The following BANK1 variants were observed in gnomAD, a reference collection of about 807,000 sequenced individuals.
The protein encoded by BANK1 is B cell scaffold protein with ankyrin repeats 1.
BANK1 carries 95 observed loss-of-function variants against 94.5 expected under a neutral mutation model. That is an observed-to-expected ratio of 1.00 (90% CI 0.85 to 1.19). BANK1 has a LOEUF of 1.19. Among genes scored for constraint, BANK1 ranks in the 50% most tolerant of loss-of-function variants. The probability of loss-of-function intolerance (pLI) is 0.00; values close to 1 mark genes in which losing one functional copy is unlikely to be tolerated. For synonymous variants in BANK1, 334 were observed against 308.4 expected, an observed-to-expected ratio of 1.08 and a Z score of -0.87; for missense variants, 987 against 932.2, an observed-to-expected ratio of 1.06 and a Z score of -0.77.
At chr4:101,936,801 G>C (rs1442620236) in intron 7 of BANK1, among the ~76,000 whole-genome samples, 1 of 151,414 alleles carries the variant, frequency 6.6e-6, no homozygotes, top group Non-Finnish European at 1.5e-5. Flanking sequence ...CAAAAGACAG[G>C]CAATAACAAA....
chr4:101,792,215 A>C (rs960985414), intron 1 of BANK1, among the ~76,000 whole-genome samples: 1 of 151,920 alleles, frequency 6.6e-6, no homozygotes, highest in Admixed American at 6.6e-5. Flanking sequence ...ATCAATATTT[A>C]TAGCATTCCA....
At chr4:101,895,512 T>G in intron 6 of BANK1, 102 bp downstream of exon 6, 1 of 658,906 alleles carries the variant, frequency 1.5e-6, no homozygotes. Flanking sequence ...GCTGCACTGC[T>G]GATGAGATGA....
rs900725732 is a variant in BANK1 at position 102,071,165 on chromosome 4, A to C, written c.2213-110A>C. Reference sequence around the variant, plus strand: ...TTTTTAGATCAGAATGTGAGATTTCATAGCAACCTCAAAGACAAGAAGTAG... The same window carrying C: ...TTTTTAGATCAGAATGTGAGATTTCCTAGCAACCTCAAAGACAAGAAGTAG... On this transcript the variant is annotated intron_variant, in intron 13 of 16. Coordinates refer to ENST00000322953, the MANE Select transcript of BANK1 (RefSeq NM_017935.5). 7.2e-6 allele frequency: 9 copies of C among 1,245,328 alleles called. No individual in the cohort carries two copies. In the African/African-American group the frequency reaches 1.3e-4, roughly 19 times the overall value. The allele number at this position is 1,245,328 out of a possible 1,614,324, so 77.1% of individuals were successfully genotyped here.
chr4:101,920,297 C>A (rs1722961170), intron 7 of BANK1, among the ~76,000 whole-genome samples: 1 of 151,868 alleles, frequency 6.6e-6, no homozygotes, highest in South Asian at 2.1e-4. Context: ...GTGCAGCACA[C>A]CAACATGGCA....
At position 102,059,456 on chromosome 4, in the gene BANK1, C is replaced by T. The variant is rs150285097; in HGVS notation, c.1970-755C>T. 1.1e-3 allele frequency among the ~76,000 whole-genome samples: 163 copies of T among 152,278 alleles called. 4 individuals are homozygous for T. In the East Asian group the frequency reaches 0.027, roughly 25 times the overall value. On this transcript the variant is annotated intron_variant, in intron 11 of 16. Coordinates refer to ENST00000322953, the MANE Select transcript of BANK1 (RefSeq NM_017935.5). ...ATGTGTTGTCATCCAGGAACTCTAA[C>T]GTGTGGCAAGGATTGCAGTAACCTA...
intron 1 of BANK1, among the ~76,000 whole-genome samples, chr4:101,791,414 C>A (rs550483782): frequency 1.3e-5 from 2 of 152,326 alleles, no homozygotes; most frequent in Non-Finnish European, 2.9e-5. Context: ...GAATTGGTAG[C>A]CCTGCTTCTT....
chr4:102,045,507 T>C (rs1296848495), intron 11 of BANK1, among the ~76,000 whole-genome samples: 1 of 152,174 alleles, frequency 6.6e-6, no homozygotes, highest in Non-Finnish European at 1.5e-5. Flanking sequence ...AAATTGTCCC[T>C]GTTTGCAGAC....
intron 7 of BANK1, among the ~76,000 whole-genome samples, chr4:101,992,829 C>T (rs1230242919): frequency 6.6e-6 from 1 of 152,116 alleles, no homozygotes; most frequent in African/African-American, 2.4e-5. Context: ...TATCTGATTC[C>T]TCAAATACTC....
chr4:101,824,456 A>G (rs745839681), intron 1 of BANK1, among the ~76,000 whole-genome samples: 6 of 152,244 alleles, frequency 3.9e-5, no homozygotes, highest in African/African-American at 7.2e-5. Flanking sequence ...CCAGAGGAGA[A>G]ATATGAGTTA....
In BANK1 at chr4:102,007,137, A is replaced by AT. The variant is rs1560682236; in HGVS notation, c.1207-14377_1207-14376insT. On this transcript the variant is annotated intron_variant, in intron 7 of 16. Coordinates refer to ENST00000322953, the MANE Select transcript of BANK1 (RefSeq NM_017935.5). Reference sequence around the variant, plus strand: ...AATATATATTTTATATATATATAAAAAATATATTTTATATATATATATATA... The same window carrying AT: ...AATATATATTTTATATATATATAAAATAATATATTTTATATATATATATATA... Among the ~76,000 whole-genome samples, 231 of 28,574 alleles carry AT rather than the reference A, an allele frequency of 8.1e-3. 4 individuals are homozygous for AT. Among genetic ancestry groups the AT allele is most frequent in the African/African-American group, 0.029 (217 of 7,606 alleles). 18.7% of individuals were successfully genotyped at this position (28,574 alleles called of 152,430 possible).
At chr4:102,049,792 G>T (rs572587809) in intron 11 of BANK1, among the ~76,000 whole-genome samples, 8 of 152,184 alleles carry the variant, frequency 5.3e-5, no homozygotes, top group Middle Eastern at 3.2e-3. Flanking sequence ...CAGTAAGATC[G>T]CAGGAGTTGG....
rs749496262 is a variant in BANK1, at chr4:101,855,104, A to C, written c.539A>C (p.Glu180Ala). Residue 180 changes from glutamate (E) to alanine (A), a missense_variant, in exon 3 of 17, where the codon GAG (glutamate) becomes GCG (alanine). By Grantham distance (107) the Glu-to-Ala change is moderately radical. Transcript: ENST00000322953. ...GCAAAACATTCTGGGGAAATAAGTG[A>C]GAGAAAGGAAATTGAAGAACTATCA... ...LRAKHSGEIS[E>A]RKEIEELSEA... 1 of 1,613,516 alleles carries C rather than the reference A, an allele frequency of 6.2e-7. No homozygotes were observed. The highest frequency in any genetic ancestry group is 1.1e-5 in the South Asian group (1 of 91,058).
At chr4:102,053,894 T>TA (rs919930591) in intron 11 of BANK1, among the ~76,000 whole-genome samples, 6 of 151,744 alleles carry the variant, frequency 4.0e-5, no homozygotes, top group Non-Finnish European at 7.4e-5. Context: ...TAAAAAAAGA[T>TA]AAAAAATCTG....
intron 11 of BANK1, among the ~76,000 whole-genome samples, chr4:102,045,837 G>A (rs1727858876): frequency 1.3e-5 from 2 of 151,946 alleles, no homozygotes; most frequent in South Asian, 2.1e-4. Flanking sequence ...TGGGTAGGAA[G>A]AATCAATATC....
intron 1 of BANK1, among the ~76,000 whole-genome samples, chr4:101,792,261 C>CCT (rs1007153597): frequency 4.3e-5 from 6 of 139,746 alleles, no homozygotes; most frequent in Admixed American, 3.6e-4. Context: ...CCGCTCCCCC[C>CCT]CCGCCCCGCC....
intron 1 of BANK1, among the ~76,000 whole-genome samples, chr4:101,807,779 C>A (rs1373272712): frequency 1.3e-5 from 2 of 152,192 alleles, no homozygotes; most frequent in African/African-American, 4.8e-5. Context: ...CAGTGATAGA[C>A]CTGGATTTTT....
At chr4:101,934,772 G>C (rs1261353754) in intron 7 of BANK1, among the ~76,000 whole-genome samples, 1 of 151,520 alleles carries the variant, frequency 6.6e-6, no homozygotes, top group Non-Finnish European at 1.5e-5. Context: ...TGACTGCGCT[G>C]ATATTCTAAT....
intron 7 of BANK1, among the ~76,000 whole-genome samples, chr4:101,988,305 G>A (rs944822461): frequency 2.2e-4 from 34 of 152,140 alleles, no homozygotes; most frequent in African/African-American, 6.8e-4. Context: ...TTTCCTAGGT[G>A]TTAAAACAGC....
intron 7 of BANK1, among the ~76,000 whole-genome samples, chr4:101,971,195 T>C (rs1332820721): frequency 6.6e-6 from 1 of 152,134 alleles, no homozygotes; most frequent in Non-Finnish European, 1.5e-5. Context: ...CAATTAAATA[T>C]ATTAGGGTGA....
Sources: allele counts gnomAD v4.1 joint callset (sites outside exome capture counted in the v4.1 genomes callset), GRCh38; gene constraint gnomAD v4.1.1; transcripts MANE v1.5; gene names NCBI Gene and HGNC (gene_info 2026-07-23, HGNC 2026-07-21).